MELK: variants seen among roughly 807,000 people sequenced by gnomAD.
MELK encodes the protein maternal embryonic leucine zipper kinase.
Under a neutral mutation model 85.0 loss-of-function variants are expected in MELK, and 81 were observed. The observed-to-expected ratio is 0.95, with a 90% CI of 0.80 to 1.15. The LOEUF (loss-of-function observed/expected upper bound fraction) is 1.15. MELK is among the 50% of genes most tolerant of loss of function. MELK has a pLI of 0.00. For synonymous variants in MELK, 252 were observed against 265.0 expected, an observed-to-expected ratio of 0.95 and a Z score of 0.48; for missense variants, 754 against 777.5, an observed-to-expected ratio of 0.97 and a Z score of 0.36.
chr9:36,618,302 T>C (rs1018445803), intron 8 of MELK, among the ~76,000 whole-genome samples: 6 of 150,476 alleles, frequency 4.0e-5, no homozygotes, highest in Non-Finnish European at 8.9e-5. Flanking sequence ...CCAGCTACTT[T>C]GGAGGCTGAG....
intron 11 of MELK, among the ~76,000 whole-genome samples, chr9:36,648,904 A>T (rs1830452235): frequency 6.6e-6 from 1 of 152,164 alleles, no homozygotes; most frequent in African/African-American, 2.4e-5. Flanking sequence ...AACTTCTAAC[A>T]TGAAAGTCGG....
intron 13 of MELK, among the ~76,000 whole-genome samples, chr9:36,657,750 A>G (rs1831396584): frequency 6.6e-6 from 1 of 151,962 alleles, no homozygotes; most frequent in African/African-American, 2.4e-5. Flanking sequence ...TCTCCTGGCT[A>G]ATTTTTGTAT....
intron 6 of MELK, among the ~76,000 whole-genome samples, chr9:36,599,021 G>A (rs556141628): frequency 2.0e-5 from 3 of 152,236 alleles, no homozygotes; most frequent in South Asian, 4.1e-4. Flanking sequence ...TCGGCCAGGC[G>A]TGGTGGCTCA....
At chr9:36,574,820 C>G (rs796990608) in intron 1 of MELK, among the ~76,000 whole-genome samples, 1 of 152,000 alleles carries the variant, frequency 6.6e-6, no homozygotes, top group African/African-American at 2.4e-5. Context: ...ATCCCAATTC[C>G]TTGCTCTTCT....
chr9:36,646,398 C>CAG (rs145816392), intron 11 of MELK, among the ~76,000 whole-genome samples: 5 of 151,786 alleles, frequency 3.3e-5, no homozygotes, highest in African/African-American at 9.7e-5. Context: ...GATCTTTGTG[C>CAG]AGAGAGAGAG....
At chr9:36,602,250 T>A (rs1187241345) in intron 7 of MELK, among the ~76,000 whole-genome samples, 1 of 152,104 alleles carries the variant, frequency 6.6e-6, no homozygotes, top group African/African-American at 2.4e-5. Flanking sequence ...CCCAGCACTT[T>A]GGGAGACTGA....
intron 1 of MELK, among the ~76,000 whole-genome samples, chr9:36,575,451 G>C (rs954884814): frequency 6.6e-6 from 1 of 152,198 alleles, no homozygotes; most frequent in African/African-American, 2.4e-5. Context: ...TATTAGTGTA[G>C]GAGTTTGTAA....
intron 13 of MELK, among the ~76,000 whole-genome samples, chr9:36,661,896 C>A (rs1831857858): frequency 6.7e-6 from 1 of 149,204 alleles, no homozygotes; most frequent in South Asian, 2.1e-4. Context: ...GAGATTGCAC[C>A]ACTGCACTCC....
chr9:36,649,360 G>A (rs1270838819), intron 11 of MELK, among the ~76,000 whole-genome samples: 5 of 151,992 alleles, frequency 3.3e-5, no homozygotes, highest in South Asian at 2.1e-4. Context: ...GGTGGCGGGC[G>A]CCTGTAGTCC....
At chr9:36,634,001 A>G (rs924634631) in intron 10 of MELK, among the ~76,000 whole-genome samples, 1 of 152,238 alleles carries the variant, frequency 6.6e-6, no homozygotes, top group Non-Finnish European at 1.5e-5. Flanking sequence ...ATATCAATGA[A>G]ATTTTGTACT....
At chr9:36,579,089 A>G (rs1430088016) in intron 1 of MELK, among the ~76,000 whole-genome samples, 3 of 152,002 alleles carry the variant, frequency 2.0e-5, no homozygotes, top group Admixed American at 2.0e-4. Context: ...GTGCAGTGGC[A>G]CGATCTCGGC....
At chr9:36,593,498 G>T (rs1197825353) in intron 4 of MELK, among the ~76,000 whole-genome samples, 1 of 152,080 alleles carries the variant, frequency 6.6e-6, no homozygotes, top group Non-Finnish European at 1.5e-5. Context: ...GTGGCACCTT[G>T]ATGTTAGACT....
chr9:36,635,464 A>T (rs1216605418), intron 10 of MELK, among the ~76,000 whole-genome samples: 1 of 151,992 alleles, frequency 6.6e-6, no homozygotes, highest in East Asian at 1.9e-4. Context: ...GGATTTCACC[A>T]TGTTGGCCAG....
chr9:36,659,617 C>G (rs1831596101), intron 13 of MELK, among the ~76,000 whole-genome samples: 1 of 152,110 alleles, frequency 6.6e-6, no homozygotes. Context: ...GCGAGGTTTC[C>G]TTAGATGCCT....
At chr9:36,575,547 C>T (rs1323062041) in intron 1 of MELK, among the ~76,000 whole-genome samples, 1 of 151,914 alleles carries the variant, frequency 6.6e-6, no homozygotes, top group Non-Finnish European at 1.5e-5. Flanking sequence ...TGGTATTACT[C>T]ATCCAAAGAC....
intron 13 of MELK, among the ~76,000 whole-genome samples, chr9:36,661,176 T>TC (rs1564220896): frequency 6.6e-6 from 1 of 152,142 alleles, no homozygotes; most frequent in Non-Finnish European, 1.5e-5. Flanking sequence ...GCTGTGGGTT[T>TC]CTAAGACTAT....
At chr9:36,664,815 AG>A (rs1207990970) in intron 13 of MELK, among the ~76,000 whole-genome samples, 1 of 152,212 alleles carries the variant, frequency 6.6e-6, no homozygotes, top group East Asian at 1.9e-4. Context: ...AGCTGCCCTT[AG>A]GGCAGCAGAG....
intron 8 of MELK, among the ~76,000 whole-genome samples, chr9:36,612,783 C>G (rs1471482556): frequency 6.6e-6 from 1 of 152,034 alleles, no homozygotes; most frequent in East Asian, 1.9e-4. Flanking sequence ...TTGTATTAGC[C>G]CCATAAAGTT....
intron 8 of MELK, among the ~76,000 whole-genome samples, chr9:36,616,056 G>GC (rs1482857720): frequency 6.6e-6 from 1 of 152,176 alleles, no homozygotes; most frequent in African/African-American, 2.4e-5. Flanking sequence ...TCCAGCCGCT[G>GC]CTTCCCGGGC....
Sources: allele counts gnomAD v4.1 joint callset (sites outside exome capture counted in the v4.1 genomes callset), GRCh38; gene constraint gnomAD v4.1.1; transcripts MANE v1.5; gene names NCBI Gene and HGNC (gene_info 2026-07-23, HGNC 2026-07-21).